Variants in FAM135B observed in about 807,000 individuals in gnomAD.
FAM135B encodes protein FAM135B.
In FAM135B, 43 loss-of-function variants were observed where a neutral mutation model predicts 127.7. That is an observed-to-expected ratio of 0.34 (90% CI 0.26 to 0.43). The LOEUF is 0.43. Among genes scored for constraint, FAM135B ranks in the 20% least tolerant of loss-of-function variants. The pLI is 1.00. For synonymous variants in FAM135B, 670 were observed against 665.1 expected, an observed-to-expected ratio of 1.01 and a Z score of -0.11; for missense variants, 1,558 against 1,725.6, an observed-to-expected ratio of 0.90 and a Z score of 1.72.
chr8:138,217,159 C>T (rs1334418635), intron 7 of FAM135B, among the ~76,000 whole-genome samples: 1 of 152,112 alleles, frequency 6.6e-6, no homozygotes, highest in Admixed American at 6.5e-5. Flanking sequence ...GACGAATATG[C>T]CCACTTAGGT....
intron 10 of FAM135B, among the ~76,000 whole-genome samples, chr8:138,177,682 G>T (rs944939084): frequency 2.6e-5 from 4 of 152,094 alleles, no homozygotes; most frequent in African/African-American, 9.7e-5. Context: ...TTTTGCTATT[G>T]TGTTTAACTT....
chr8:138,484,602 A>G lies in FAM135B; in HGVS notation c.-20+12069T>C, dbSNP rs566301607. 7.9e-5 allele frequency among the ~76,000 whole-genome samples: 12 copies of G among 152,298 alleles called. No individual in the cohort carries two copies. In the South Asian group the frequency reaches 2.3e-3, roughly 29 times the overall value. ...GTACTTTCTACAGTCTACAGCTCAT[A>G]GTAGGGGCTTAGAAAGAGCTTCCTT... On this transcript the variant is annotated intron_variant, in intron 1 of 19. Transcript: ENST00000395297.
chr8:138,291,948 G>C (rs1445531224), intron 3 of FAM135B, among the ~76,000 whole-genome samples: 1 of 151,956 alleles, frequency 6.6e-6, no homozygotes, highest in Non-Finnish European at 1.5e-5. Flanking sequence ...AGATGAAAAG[G>C]GCCTCCGTAT....
chr8:138,373,557 C>T (rs141564346), intron 1 of FAM135B, among the ~76,000 whole-genome samples: 4,834 of 151,934 alleles, frequency 0.032, 159 homozygotes, highest in East Asian at 0.17. Context: ...AACAGAATAA[C>T]AGCAATGTTC....
chr8:138,338,017 C>T (rs926936253), intron 2 of FAM135B, among the ~76,000 whole-genome samples: 7 of 152,132 alleles, frequency 4.6e-5, no homozygotes, highest in African/African-American at 1.7e-4. Context: ...GAAAGGATTC[C>T]CTATTTAATA....
intron 1 of FAM135B, among the ~76,000 whole-genome samples, chr8:138,432,551 A>G (rs1194050462): frequency 2.0e-5 from 3 of 151,828 alleles, no homozygotes; most frequent in African/African-American, 7.3e-5. Flanking sequence ...TGCTTGATAT[A>G]TAGAGAGAGT....
intron 3 of FAM135B, among the ~76,000 whole-genome samples, chr8:138,293,892 TG>T (rs1825296894): frequency 2.6e-5 from 4 of 152,166 alleles, no homozygotes; most frequent in Admixed American, 2.6e-4. Context: ...ATCCCAGTGG[TG>T]GGTATCCACC....
intron 14 of FAM135B, among the ~76,000 whole-genome samples, chr8:138,147,939 C>T (rs1240746744): frequency 2.0e-5 from 3 of 152,056 alleles, no homozygotes; most frequent in Non-Finnish European, 4.4e-5. Flanking sequence ...CCTGCAAATC[C>T]CAGAACCTAG....
chr8:138,280,577 G>A (rs1288409848), intron 3 of FAM135B, among the ~76,000 whole-genome samples: 1 of 152,172 alleles, frequency 6.6e-6, no homozygotes, highest in Non-Finnish European at 1.5e-5. Context: ...TTGCATGTCT[G>A]TATGAGTTCC....
intron 2 of FAM135B, among the ~76,000 whole-genome samples, chr8:138,347,822 G>T (rs540435417): frequency 6.6e-6 from 1 of 152,060 alleles, no homozygotes; most frequent in Non-Finnish European, 1.5e-5. Flanking sequence ...CAGACCAGCA[G>T]GGTTACCTCG....
At position 138,378,438 on chromosome 8, in the gene FAM135B, T is replaced by C. The variant is rs543270773; in HGVS notation, c.-19-10436A>G. 9.2e-5 allele frequency among the ~76,000 whole-genome samples: 14 copies of C among 152,302 alleles called. 1 individual carries two copies. In the South Asian group the frequency reaches 2.3e-3, roughly 25 times the overall value. ...GCAAGTTGCTTTGGAGTCTGGCATA[T>C]GATAAATGCTTAATAAGTATAAGCT... is the stretch of plus-strand genomic sequence containing the variant. On this transcript the variant is annotated intron_variant, in intron 1 of 19. Transcript: ENST00000395297.
At chr8:138,481,767 T>TCAACTGGTCTCTCCCAG (rs370053878) in intron 1 of FAM135B, among the ~76,000 whole-genome samples, 1 of 152,178 alleles carries the variant, frequency 6.6e-6, no homozygotes, top group African/African-American at 2.4e-5. Flanking sequence ...CAGTGTCTGT[T>TCAACTGGTCTCTCCCAG]CAACTGGTCT....
chr8:138,298,761 A>G (rs549462556), intron 3 of FAM135B, among the ~76,000 whole-genome samples: 1 of 152,286 alleles, frequency 6.6e-6, no homozygotes, highest in African/African-American at 2.4e-5. Flanking sequence ...ATGAGTATTA[A>G]CTTGTGGATT....
chr8:138,190,874 T>C (rs958476950), intron 9 of FAM135B, among the ~76,000 whole-genome samples: 1 of 152,180 alleles, frequency 6.6e-6, no homozygotes, highest in Non-Finnish European at 1.5e-5. Context: ...TCTGGAAGCC[T>C]TGCTCCCCCA....
chr8:138,346,656 G>C (rs1829428780), intron 2 of FAM135B, among the ~76,000 whole-genome samples: 1 of 152,132 alleles, frequency 6.6e-6, no homozygotes, highest in Admixed American at 6.5e-5. Flanking sequence ...ACACACTGGG[G>C]CCTGTCGGGG....
intron 1 of FAM135B, among the ~76,000 whole-genome samples, chr8:138,480,207 G>A (rs1294855608): frequency 6.6e-6 from 1 of 152,206 alleles, no homozygotes; most frequent in Non-Finnish European, 1.5e-5. Flanking sequence ...TGGGACAAGA[G>A]AGGGCTGGAG....
intron 1 of FAM135B, among the ~76,000 whole-genome samples, chr8:138,383,344 C>CT (rs1317667004): frequency 6.6e-6 from 1 of 152,150 alleles, no homozygotes; most frequent in African/African-American, 2.4e-5. Context: ...GTCAGTTTTC[C>CT]TTATCTGTAA....
chr8:138,302,121 A>G (rs1317641808), intron 3 of FAM135B, among the ~76,000 whole-genome samples: 1 of 114,024 alleles, frequency 8.8e-6, no homozygotes, highest in Non-Finnish European at 1.8e-5. Context: ...CACAAAAACC[A>G]CATGAAGGAA....
At chr8:138,326,105 G>A (rs930055556) in intron 2 of FAM135B, among the ~76,000 whole-genome samples, 6 of 152,136 alleles carry the variant, frequency 3.9e-5, no homozygotes, top group African/African-American at 1.4e-4. Context: ...ACTGAAAAGT[G>A]CTTCCCCATC....
Sources: allele counts gnomAD v4.1 joint callset (sites outside exome capture counted in the v4.1 genomes callset), GRCh38; gene constraint gnomAD v4.1.1; transcripts MANE v1.5; gene names NCBI Gene and HGNC (gene_info 2026-07-23, HGNC 2026-07-21).